The following SLC26A1 variants were observed in gnomAD, a reference collection of about 807,000 sequenced individuals.
SLC26A1 encodes the protein solute carrier family 26 member 1, also known as sulfate anion transporter 1.
A neutral mutation model predicts 14.5 loss-of-function variants in SLC26A1; 18 were observed. The observed-to-expected ratio is 1.24, with a 90% confidence interval of 0.86 to 1.84. SLC26A1 has a LOEUF of 1.84. Ranked by LOEUF, SLC26A1 falls within the 40% of genes most tolerant of loss-of-function variation. The pLI is 0.00. For synonymous variants in SLC26A1, 505 were observed against 492.0 expected (o/e 1.03, Z -0.35); for missense variants, 1,049 against 1,020.0 (o/e 1.03, Z -0.39).
At chr4:990,386 C>T (rs1714190423) in intron 2 of SLC26A1, 24 bp from the exon 3 acceptor site, 2 of 1,557,044 alleles carry the variant, frequency 1.3e-6, no homozygotes, top group Non-Finnish European at 1.7e-6. Flanking sequence ...GCGGTCAGGC[C>T]AGCAGGCGCC....
intron 1 of SLC26A1, among the ~76,000 whole-genome samples, chr4:992,476 C>G (rs1017743046): frequency 1.3e-5 from 2 of 152,230 alleles, no homozygotes; most frequent in Non-Finnish European, 2.9e-5. Flanking sequence ...TCCGCCTGGA[C>G]TTGGGACAGA....
Position 988,681 on chromosome 4 carries a change from A to C in SLC26A1, c.*152T>G. The C allele has an allele frequency of 7.1e-7, 1 of 1,413,222 alleles. No individual in the cohort carries two copies. The highest frequency in any genetic ancestry group is 1.6e-5 in the South Asian group (1 of 63,428). The allele number at this position is 1,413,222 out of a possible 1,614,324, so 87.5% of individuals were successfully genotyped here. Reference sequence around the variant, plus strand: ...GTGTGATCAGAGGGCCTCCTTTCCCAGTTGGGGTTCCCCGGTTTCCCCAGG... The same window carrying C: ...GTGTGATCAGAGGGCCTCCTTTCCCCGTTGGGGTTCCCCGGTTTCCCCAGG... On this transcript the variant is annotated 3_prime_UTR_variant, in exon 3 of 3. Transcript: ENST00000398516.
chr4:991,984 T>A, intron 1 of SLC26A1: 1 of 714,794 alleles, frequency 1.4e-6, no homozygotes, highest in African/African-American at 1.7e-5. Context: ...TGGGGTGTGC[T>A]GAGGCCAGCA....
At chr4:987,477 G>C (rs1266153174), downstream of SLC26A1, among the ~76,000 whole-genome samples, 3 of 152,188 alleles carry the variant, frequency 2.0e-5, no homozygotes, top group Non-Finnish European at 4.4e-5. Context: ...TGCTCTTTGA[G>C]GTAAACCAGG....
Position 987,808 on chromosome 4 carries a change from G to GC in SLC26A1, c.*1024dup, listed in dbSNP as rs727503966. The GC allele has an allele frequency of 8.1e-6, 13 of 1,612,180 alleles. No homozygotes were observed. The East Asian group carries it at 2.5e-4, about 30-fold the overall frequency. On this transcript the variant is annotated 3_prime_UTR_variant, in exon 3 of 3. Coordinates refer to ENST00000398516, the MANE Select transcript of SLC26A1 (RefSeq NM_022042.4). ...CTGAGCCGCCCCTTTGTTGTCCCCA[G>GC]CCCCCCGCTGCCACACAGCCAGGCT...
downstream of SLC26A1, among the ~76,000 whole-genome samples, chr4:987,471 C>T (rs1380766208): frequency 6.6e-6 from 1 of 152,220 alleles, no homozygotes; most frequent in Non-Finnish European, 1.5e-5. Flanking sequence ...GGATCCTGCT[C>T]TTTGAGGTAA....
chr4:988,803 A>G lies in SLC26A1; in HGVS notation c.*30T>C, dbSNP rs1713954687. The G allele has an allele frequency of 2.0e-6, 3 of 1,520,034 alleles. No individual in the cohort carries two copies. Among genetic ancestry groups the G allele is most frequent in the African/African-American group, 1.4e-5 (1 of 72,374 alleles). 94.2% of individuals were successfully genotyped at this position (1,520,034 alleles called of 1,614,324 possible). A position where few individuals can be genotyped will look rare whatever the true frequency, so the allele number is the denominator to read the frequency against. ...CGTCTGCTGTGGGTCCCCAGGAGGG[A>G]GCAGAGGCTGCTGGGCAGGCCTGGC... On this transcript the variant is annotated 3_prime_UTR_variant, in exon 3 of 3. Transcript: ENST00000398516.
At position 989,147 on chromosome 4, in the gene SLC26A1, TGCTAACCGG is replaced by T. The variant is rs777382060; in HGVS notation, c.1783_1791del (p.Pro595_Ser597del). On this transcript the variant is annotated inframe_deletion, in exon 3 of 3. Transcript: ENST00000398516. ...GCTGCGGGCACCAGCGCAGCCCTGG[TGCTAACCGG>T]GCCCAGGTCCTCGCCCTGGGCAGGG... 1 of 1,607,726 alleles carries T rather than the reference TGCTAACCGG, an allele frequency of 6.2e-7. No individual in the cohort carries two copies. The highest frequency in any genetic ancestry group is 8.5e-7 in the Non-Finnish European group (1 of 1,176,894).
At chr4:987,176 T>A, downstream of SLC26A1, 5 of 1,457,460 alleles carry the variant, frequency 3.4e-6, no homozygotes, top group Non-Finnish European at 4.5e-6. Context: ...GCCCCGCACC[T>A]GGTGCATGTG....
rs201921976 is a variant in SLC26A1, at chr4:991,304, C to T, written c.400G>A (p.Gly134Arg). ...GIFSLLCLMV[G>R]QVVDRELQLA... ...TGGAGCTCCCGGTCCACCACCTGCCCCACCATGAGGCAAAGCAGGCTGAAG... is the reference window on the plus strand; with the variant it reads ...TGGAGCTCCCGGTCCACCACCTGCCTCACCATGAGGCAAAGCAGGCTGAAG... Residue 134 changes from glycine to arginine, a missense_variant, in exon 2 of 3, where the codon GGG becomes AGG. Physicochemically the swap from Gly to Arg is moderately radical, Grantham distance 125 (BLOSUM62 -2). Coordinates refer to ENST00000398516, the MANE Select transcript of SLC26A1 (RefSeq NM_022042.4). 472 of 1,612,672 alleles carry T rather than the reference C, an allele frequency of 2.9e-4. No homozygotes were observed. Among genetic ancestry groups the T allele is most frequent in the Non-Finnish European group, 3.8e-4 (445 of 1,179,926 alleles).
At chr4:990,761 G>A (rs1414560802) in intron 2 of SLC26A1, 1 of 394,946 alleles carries the variant, frequency 2.5e-6, no homozygotes, top group Non-Finnish European at 4.6e-6. Flanking sequence ...GACAGGCCAA[G>A]GCAGGAGACC....
chr4:986,827 T>G, downstream of SLC26A1: 1 of 627,656 alleles, frequency 1.6e-6, no homozygotes, highest in Non-Finnish European at 3.0e-6. Flanking sequence ...GGGCGAAGCG[T>G]TCTTCTGAGC....
chr4:984,553 C>A (rs78243670), downstream of SLC26A1, among the ~76,000 whole-genome samples: 5,174 of 152,178 alleles, frequency 0.034, 135 homozygotes, highest in East Asian at 0.12. Context: ...GAGTTTGACC[C>A]AGCGCGGTGG....
At chr4:992,225 C>T (rs1383923391) in intron 1 of SLC26A1, 1 of 457,808 alleles carries the variant, frequency 2.2e-6, no homozygotes, top group Non-Finnish European at 4.4e-6. Flanking sequence ...CTCCCTGGCT[C>T]CCCAGGTTGG....
intron 1 of SLC26A1, among the ~76,000 whole-genome samples, chr4:992,437 G>A (rs1443030514): frequency 1.3e-5 from 2 of 152,242 alleles, no homozygotes; most frequent in Non-Finnish European, 2.9e-5. Context: ...TCTGCTGGGG[G>A]AGCAGCACTC....
downstream of SLC26A1, among the ~76,000 whole-genome samples, chr4:985,088 C>T (rs536161530): frequency 1.3e-5 from 2 of 152,374 alleles, no homozygotes; most frequent in South Asian, 4.1e-4. Context: ...AGGCTGGCTT[C>T]AGTCCCCACA....
At position 990,220 on chromosome 4, in the gene SLC26A1, T is replaced by C; in HGVS notation, c.719A>G (p.Gln240Arg). Residue 240 changes from glutamine to arginine, a missense_variant, in exon 3 of 3, where the codon CAG (glutamine) becomes CGG (arginine). By Grantham distance (43) the Gln-to-Arg change is conservative (BLOSUM62 1). Transcript: ENST00000398516. ...HLLGVRIPRHQGPGMVVLTWL... is the reference protein window; with the variant it reads ...HLLGVRIPRHRGPGMVVLTWL... ...TGTGAGGACCACCATGCCGGGCCCCTGGTGCCGCGGGATCCGCACGCCCAG... is the reference window on the plus strand; with the variant it reads ...TGTGAGGACCACCATGCCGGGCCCCCGGTGCCGCGGGATCCGCACGCCCAG... 6.4e-7 allele frequency: 1 copy of C among 1,567,482 alleles called. No individual in the cohort carries two copies. The highest frequency in any genetic ancestry group is 8.6e-7 in the Non-Finnish European group (1 of 1,157,032).
downstream of SLC26A1, chr4:987,071 G>T: frequency 1.3e-6 from 2 of 1,504,166 alleles, no homozygotes; most frequent in South Asian, 2.5e-5. Context: ...CGCAGTCCCC[G>T]AGCACGCGTG....
Position 988,043 on chromosome 4 carries a change from C to A in SLC26A1, c.*790G>T. 6.8e-7 allele frequency: 1 copy of A among 1,481,024 alleles called. No individual in the cohort carries two copies. Among genetic ancestry groups the A allele is most frequent in the Non-Finnish European group, 9.0e-7 (1 of 1,112,184 alleles). The allele number at this position is 1,481,024 out of a possible 1,614,324, so 91.7% of individuals were successfully genotyped here. ...GGGGCTGCTCGGAAGACCCCTTGTT[C>A]CCCCACCTCCCGCCGAAGCACCCTG... On this transcript the variant is annotated 3_prime_UTR_variant, in exon 3 of 3. Coordinates refer to ENST00000398516, the MANE Select transcript of SLC26A1 (RefSeq NM_022042.4).
Sources: gnomAD v4.1 joint callset for allele counts (sites outside exome capture counted in the v4.1 genomes callset) on GRCh38, gnomAD v4.1.1 for gene constraint, MANE v1.5 for transcripts, NCBI Gene and HGNC (gene_info 2026-07-23, HGNC 2026-07-21) for gene names.